The following CSN1S1 variants were observed in gnomAD, a reference collection of about 807,000 sequenced individuals.
CSN1S1 encodes the protein alpha-S1-casein.
CSN1S1 carries 63 observed loss-of-function variants against 49.1 expected under a neutral mutation model. The ratio of observed to expected loss-of-function variants is 1.28; its 90% CI spans 1.05 to 1.58. The LOEUF (loss-of-function observed/expected upper bound fraction) is 1.58, where lower values mean the gene tolerates loss of function less well. Ranked by LOEUF, CSN1S1 falls within the 40% of genes most tolerant of loss-of-function variation. CSN1S1 has a pLI of 0.00. For synonymous variants in CSN1S1, 78 were observed against 67.1 expected (o/e 1.16, Z -0.79); for missense variants, 260 against 224.7 (o/e 1.16, Z -1.01).
In CSN1S1 at chr4:69,936,589, A is replaced by G; in HGVS notation, c.177A>G (p.Lys59=). Residue 59 remains lysine (K), a synonymous_variant, in exon 7 of 16, where the codon AAA becomes AAG. Transcript: ENST00000246891. ...AGCAGAGAAACATTCTGAGAGAAAA[A>G]CAGACTGATGAAATCAAGGTACCAA... is the stretch of plus-strand genomic sequence containing the variant. ...MNRQRNILRE[K]QTDEIKDTRN... 2 of 1,606,448 alleles carry G rather than the reference A, an allele frequency of 1.2e-6. No homozygotes were observed. The highest frequency in any genetic ancestry group is 1.7e-5 in the Admixed American group (1 of 59,006).
In CSN1S1 at chr4:69,942,571, C is replaced by A; in HGVS notation, c.396C>A (p.Val132=). Residue 132 remains valine, a synonymous_variant, in exon 14 of 16, where the codon GTC becomes GTA. Transcript: ENST00000246891. ...QIRRMNENSH[V]QVPFQQLNQL... ...GCAGAATGAATGAAAACAGCCATGT[C>A]CAAGTGGTAATATTTTGCTTAATAT... is the stretch of plus-strand genomic sequence containing the variant. 1 of 1,584,970 alleles carries A rather than the reference C, an allele frequency of 6.3e-7. No homozygotes were observed. Among genetic ancestry groups the A allele is most frequent in the South Asian group, 1.1e-5 (1 of 86,972 alleles).
chr4:69,943,381 C>G (rs1220855), intron 14 of CSN1S1, among the ~76,000 whole-genome samples: 1 of 151,830 alleles, frequency 6.6e-6, no homozygotes, highest in East Asian at 1.9e-4. Context: ...GACAGGTTTT[C>G]ACCATGTTGG....
rs1723145140 is a variant in CSN1S1, at chr4:69,945,829, A to G, written c.*-367A>G. Among the ~76,000 whole-genome samples the G allele has an allele frequency of 3.6e-5, 5 of 139,086 alleles. No individual in the cohort carries two copies. The Admixed American group carries it at 3.7e-4, about 10-fold the overall frequency. The allele number at this position is 139,086 out of a possible 152,430, so 91.2% of individuals were successfully genotyped here. ...TAAGTTCAATTATTTTCACCACTAC[A>G]TTGGAGCTTCCAATTGTGTGTTTGT... On this transcript the variant is annotated intron_variant, in intron 15 of 15. Coordinates refer to ENST00000246891, the MANE Select transcript of CSN1S1 (RefSeq NM_001890.2).
intron 9 of CSN1S1, among the ~76,000 whole-genome samples, chr4:69,938,785 G>A (rs1330961412): frequency 6.6e-6 from 1 of 151,682 alleles, no homozygotes; most frequent in African/African-American, 2.4e-5. Flanking sequence ...CATCAAAGAA[G>A]CCCCAAGGAC....
In CSN1S1 at chr4:69,932,600, C is replaced by T; in HGVS notation, c.45C>T (p.Ala15=). Residue 15 remains alanine, a synonymous_variant, in exon 2 of 16, where the codon GCC becomes GCT. Coordinates refer to ENST00000246891, the MANE Select transcript of CSN1S1 (RefSeq NM_001890.2). ...ILTCLVAVAL[A]RPKLPLRYPE... is the part of the protein sequence containing the mutation. ...CCTGTCTTGTGGCTGTTGCTCTTGC[C>T]AGGCCTGTAAGTTCAGTAGAGAATT... 6.3e-7 allele frequency: 1 copy of T among 1,598,326 alleles called. No homozygotes were observed. Among genetic ancestry groups the T allele is most frequent in the Non-Finnish European group, 8.5e-7 (1 of 1,170,952 alleles).
intron 7 of CSN1S1, 62 bp downstream of exon 7, chr4:69,936,669 T>C: frequency 1.4e-6 from 2 of 1,476,782 alleles, no homozygotes; most frequent in Non-Finnish European, 1.8e-6. Context: ...AGAAAAAAAG[T>C]TTTCCTTTAG....
At chr4:69,941,104 G>T (rs1317280314) in intron 12 of CSN1S1, 44 bp downstream of exon 12, 1 of 921,926 alleles carries the variant, frequency 1.1e-6, no homozygotes, top group Admixed American at 3.4e-5. Flanking sequence ...TTCTACTATA[G>T]AATTAAAACA....
At position 69,942,554 on chromosome 4, in the gene CSN1S1, A is replaced by G. The variant is rs148003272; in HGVS notation, c.379A>G (p.Asn127Asp). Residue 127 changes from asparagine to aspartate, a missense_variant, in exon 14 of 16, where the codon AAT becomes GAT. Coordinates refer to ENST00000246891, the MANE Select transcript of CSN1S1 (RefSeq NM_001890.2). The part of the protein sequence containing the change: ...AHAQEQIRRM[N>D]ENSHVQVPFQ... ...TATGCAGGAGCAAATTCGCAGAATG[A>G]ATGAAAACAGCCATGTCCAAGTGGT... 2.7e-5 allele frequency: 43 copies of G among 1,588,382 alleles called. No individual in the cohort carries two copies. In the East Asian group the frequency reaches 7.9e-4, roughly 29 times the overall value.
In CSN1S1 at chr4:69,940,111, TCACACACA is replaced by T. The variant is rs35000195; in HGVS notation, c.300+99_300+106del. Reference sequence around the variant, plus strand: ...CAGGATAATTAAAATGCACTTACTTTCACACACACACACACACACACACACACACACAC... The same window carrying T: ...CAGGATAATTAAAATGCACTTACTTTCACACACACACACACACACACACAC... On this transcript the variant is annotated intron_variant, in intron 11 of 15. Transcript: ENST00000246891. The T allele has an allele frequency of 1.0e-3, 425 of 405,014 alleles. 3 individuals are homozygous for T. The highest frequency in any genetic ancestry group is 1.7e-3 in the African/African-American group (76 of 44,854). The allele number at this position is 405,014 out of a possible 1,614,324, so 25.1% of individuals were successfully genotyped here. A position where few individuals can be genotyped will look rare whatever the true frequency, so the allele number is the denominator to read the frequency against.
In CSN1S1 at chr4:69,946,188, A is replaced by G. The variant is rs775254531; in HGVS notation, c.*-8A>G. 2 of 550,722 alleles carry G rather than the reference A, an allele frequency of 3.6e-6. No homozygotes were observed. The highest frequency in any genetic ancestry group is 2.4e-5 in the South Asian group (1 of 41,988). 34.1% of individuals were successfully genotyped at this position (550,722 alleles called of 1,614,324 possible). A position where few individuals can be genotyped will look rare whatever the true frequency, so the allele number is the denominator to read the frequency against. On this transcript the variant is annotated splice_region_variant and splice_polypyrimidine_tract_variant and intron_variant, in intron 15 of 15. Transcript: ENST00000246891. ...TAACTCACCACATATTTCTATTTCTATTTACAGATATGATTGAAAATTTCA... is the reference window on the plus strand; with the variant it reads ...TAACTCACCACATATTTCTATTTCTGTTTACAGATATGATTGAAAATTTCA...
At chr4:69,940,204 A>G (rs1180168493) in intron 11 of CSN1S1, among the ~76,000 whole-genome samples, 160 bp downstream of exon 11, 1 of 151,618 alleles carries the variant, frequency 6.6e-6, no homozygotes, top group East Asian at 1.9e-4. Context: ...AAGTTTTATC[A>G]AAGGCAAATA....
intron 12 of CSN1S1, among the ~76,000 whole-genome samples, chr4:69,941,326 C>T (rs1272169730): frequency 6.6e-6 from 1 of 151,694 alleles, no homozygotes; most frequent in African/African-American, 2.4e-5. Flanking sequence ...TACTGCAAAT[C>T]CACTTTTAAC....
intron 14 of CSN1S1, among the ~76,000 whole-genome samples, chr4:69,943,297 C>G (rs1723038328): frequency 6.6e-6 from 1 of 151,544 alleles, no homozygotes; most frequent in African/African-American, 2.4e-5. Context: ...GATGCTCATA[C>G]CTTAGCATCC....
chr4:69,937,267 A>T, intron 8 of CSN1S1, 123 bp downstream of exon 8: 1 of 718,378 alleles, frequency 1.4e-6, no homozygotes, highest in Non-Finnish European at 2.2e-6. Context: ...AAAGAAAGAA[A>T]AGAAATAGTG....
intron 2 of CSN1S1, among the ~76,000 whole-genome samples, 175 bp from the exon 3 acceptor site, chr4:69,934,037 C>T (rs1037475761): frequency 4.6e-5 from 7 of 150,710 alleles, no homozygotes; most frequent in African/African-American, 1.7e-4. Context: ...ATTATGATTT[C>T]TTTTTTTTTC....
chr4:69,939,386 C>G (rs1291681054), intron 10 of CSN1S1, among the ~76,000 whole-genome samples, 178 bp downstream of exon 10: 4 of 151,686 alleles, frequency 2.6e-5, no homozygotes, highest in Admixed American at 2.0e-4. Flanking sequence ...AATTGTTTGT[C>G]AGAGACAAAT....
Position 69,936,381 on chromosome 4 carries a change from C to T in CSN1S1, c.130-75C>T, listed in dbSNP as rs1237110373. Reference sequence around the variant, plus strand: ...ATTTGTATCAGCACGATGTGAAGTACAGTTTCTCATAGATTTCCACTCATG... The same window carrying T: ...ATTTGTATCAGCACGATGTGAAGTATAGTTTCTCATAGATTTCCACTCATG... On this transcript the variant is annotated intron_variant, in intron 5 of 15. Transcript: ENST00000246891. 13 of 1,097,854 alleles carry T rather than the reference C, an allele frequency of 1.2e-5. No homozygotes were observed. The East Asian group carries it at 1.2e-4, about 10-fold the overall frequency. The allele number at this position is 1,097,854 out of a possible 1,614,324, so 68.0% of individuals were successfully genotyped here. A position where few individuals can be genotyped will look rare whatever the true frequency, so the allele number is the denominator to read the frequency against.
chr4:69,943,264 A>T (rs1223846928), intron 14 of CSN1S1, among the ~76,000 whole-genome samples: 5 of 151,182 alleles, frequency 3.3e-5, no homozygotes, highest in Non-Finnish European at 5.9e-5. Flanking sequence ...GGTCCCTGCA[A>T]CCTCTGCCTC....
chr4:69,935,342 G>C (rs931517310), intron 4 of CSN1S1, among the ~76,000 whole-genome samples: 2 of 150,902 alleles, frequency 1.3e-5, no homozygotes, highest in Non-Finnish European at 3.0e-5. Context: ...AATTCGAGAT[G>C]AGCCTAAGCA....
Sources: gnomAD v4.1 joint callset for allele counts (sites outside exome capture counted in the v4.1 genomes callset) on GRCh38, gnomAD v4.1.1 for gene constraint, MANE v1.5 for transcripts, NCBI Gene and HGNC (gene_info 2026-07-23, HGNC 2026-07-21) for gene names.